The following LRRTM4 variants were observed in gnomAD, a reference collection of about 807,000 sequenced individuals.
LRRTM4 encodes the protein leucine-rich repeat transmembrane neuronal protein 4.
Under a neutral mutation model 47.6 loss-of-function variants are expected in LRRTM4, and 25 were observed. The ratio of observed to expected loss-of-function variants is 0.53; its 90% CI spans 0.38 to 0.73. The LOEUF (loss-of-function observed/expected upper bound fraction) is 0.73. LRRTM4 is among the 30% of genes least tolerant of loss of function. LRRTM4 has a pLI of 0.00. For missense variants in LRRTM4, 638 were observed against 713.4 expected, an observed-to-expected ratio of 0.89 and a Z score of 1.20; for synonymous variants, 311 against 269.5, an observed-to-expected ratio of 1.15 and a Z score of -1.51.
At chr2:77,423,396 A>T (rs970076802) in intron 3 of LRRTM4, among the ~76,000 whole-genome samples, 22 of 152,296 alleles carry the variant, frequency 1.4e-4, no homozygotes, top group African/African-American at 5.1e-4. Flanking sequence ...ATGAAGACAA[A>T]TCACTCTCTG....
At chr2:77,333,732 G>A (rs937431060) in intron 3 of LRRTM4, among the ~76,000 whole-genome samples, 1 of 152,194 alleles carries the variant, frequency 6.6e-6, no homozygotes, top group Non-Finnish European at 1.5e-5. Flanking sequence ...ATGTGGGATT[G>A]GAGCCCCCAC....
chr2:77,090,228 C>T (rs1412924773), intron 3 of LRRTM4, among the ~76,000 whole-genome samples: 2 of 152,156 alleles, frequency 1.3e-5, no homozygotes, highest in East Asian at 3.9e-4. Context: ...GTGGCTGGTG[C>T]TAAAGGCATA....
chr2:77,051,909 A>T (rs562006528), intron 3 of LRRTM4, among the ~76,000 whole-genome samples: 1 of 152,274 alleles, frequency 6.6e-6, no homozygotes, highest in South Asian at 2.1e-4. Context: ...CTACTATGCT[A>T]CTATCTTCAG....
In LRRTM4 at chr2:77,032,318, TCAAA is replaced by T. The variant is rs1678688862; in HGVS notation, c.1552-283406_1552-283403del. 3.3e-5 allele frequency among the ~76,000 whole-genome samples: 5 copies of T among 152,278 alleles called. No individual in the cohort carries two copies. In the South Asian group the frequency reaches 8.3e-4, roughly 25 times the overall value. On this transcript the variant is annotated intron_variant, in intron 3 of 3. Coordinates refer to ENST00000409884, the MANE Select transcript of LRRTM4 (RefSeq NM_001134745.3). ...TATCAGAGAGGTTAGTCTAATCATCTCAAACAAAATAACAACTCCAAGCTTATTC... is the reference window on the plus strand; with the variant it reads ...TATCAGAGAGGTTAGTCTAATCATCTCAAAATAACAACTCCAAGCTTATTC...
intron 3 of LRRTM4, among the ~76,000 whole-genome samples, chr2:76,767,429 T>A (rs1032418212): frequency 6.6e-6 from 1 of 152,184 alleles, no homozygotes; most frequent in African/African-American, 2.4e-5. Context: ...AGGATTCCCA[T>A]TTAAAAAATG....
chr2:77,168,388 CTT>C (rs1471221398), intron 3 of LRRTM4, among the ~76,000 whole-genome samples: 1 of 151,964 alleles, frequency 6.6e-6, no homozygotes, highest in Non-Finnish European at 1.5e-5. Context: ...CTTATTATCT[CTT>C]TTACATTTCT....
chr2:77,265,780 AAGTT>A (rs1573167651), intron 3 of LRRTM4, among the ~76,000 whole-genome samples: 1 of 152,190 alleles, frequency 6.6e-6, no homozygotes, highest in African/African-American at 2.4e-5. Context: ...CTATATTAAA[AAGTT>A]AGAATTACAC....
chr2:76,751,220 T>C (rs941559636), intron 3 of LRRTM4, among the ~76,000 whole-genome samples: 7 of 152,308 alleles, frequency 4.6e-5, no homozygotes, highest in African/African-American at 1.7e-4. Context: ...TATTCACTTC[T>C]ATTAACTTGT....
intron 3 of LRRTM4, among the ~76,000 whole-genome samples, chr2:77,136,382 T>G (rs1671942750): frequency 6.6e-6 from 1 of 152,142 alleles, no homozygotes; most frequent in Non-Finnish European, 1.5e-5. Context: ...GGAGTGGACC[T>G]CCAGCAAACT....
intron 3 of LRRTM4, among the ~76,000 whole-genome samples, chr2:77,086,254 A>T (rs1436109346): frequency 6.6e-6 from 1 of 152,206 alleles, no homozygotes; most frequent in African/African-American, 2.4e-5. Context: ...AAGAGAAGTG[A>T]GTCAAGGAGG....
intron 3 of LRRTM4, among the ~76,000 whole-genome samples, chr2:76,855,648 A>G (rs1672127373): frequency 6.6e-6 from 1 of 152,196 alleles, no homozygotes; most frequent in Admixed American, 6.5e-5. Flanking sequence ...ACAACATGCT[A>G]AAAATGTAAA....
intron 3 of LRRTM4, among the ~76,000 whole-genome samples, chr2:77,105,521 AG>A (rs1671072007): frequency 2.5e-5 from 1 of 40,798 alleles, no homozygotes; most frequent in African/African-American, 1.0e-4. Flanking sequence ...GGGTGGGGGG[AG>A]GGGGGAGGGA....
At chr2:76,755,976 C>G (rs772744141) in intron 3 of LRRTM4, among the ~76,000 whole-genome samples, 6 of 152,046 alleles carry the variant, frequency 3.9e-5, no homozygotes, top group Admixed American at 2.0e-4. Flanking sequence ...AATTGACCAG[C>G]ATTAATGTTA....
intron 3 of LRRTM4, among the ~76,000 whole-genome samples, chr2:76,933,928 A>T (rs1453255913): frequency 6.6e-6 from 1 of 152,088 alleles, no homozygotes; most frequent in Non-Finnish European, 1.5e-5. Context: ...TTCAATATTA[A>T]GAGTAGAGAT....
chr2:77,205,063 T>C (rs1674081188), intron 3 of LRRTM4, among the ~76,000 whole-genome samples: 1 of 152,212 alleles, frequency 6.6e-6, no homozygotes, highest in Admixed American at 6.5e-5. Context: ...TAAGTGTGAT[T>C]ACTTATCCGT....
rs74404648 is a variant in LRRTM4 at position 77,371,641 on chromosome 2, C to T, written c.1551+146677G>A. 1.3e-3 allele frequency among the ~76,000 whole-genome samples: 193 copies of T among 151,582 alleles called. 3 individuals are homozygous for T. In the East Asian group the frequency reaches 0.028, roughly 22 times the overall value. On this transcript the variant is annotated intron_variant, in intron 3 of 3. Transcript: ENST00000409884. ...TCTTGCTCTAAGCCATGCTTTACTC[C>T]GGTTTTTGGGGGGTCCTCCTTTCTG...
chr2:76,862,872 T>C (rs554496326), intron 3 of LRRTM4, among the ~76,000 whole-genome samples: 2 of 152,210 alleles, frequency 1.3e-5, no homozygotes, highest in Non-Finnish European at 2.9e-5. Flanking sequence ...ACAAGATGTA[T>C]TCTTATTTTT....
chr2:76,978,279 T>G (rs919340706), intron 3 of LRRTM4, among the ~76,000 whole-genome samples: 3 of 152,030 alleles, frequency 2.0e-5, no homozygotes, highest in African/African-American at 7.2e-5. Flanking sequence ...GCTAAGGCAT[T>G]TCCCCCAGAT....
intron 3 of LRRTM4, among the ~76,000 whole-genome samples, chr2:77,056,143 AACAAACCTGCACATTGTGC>A (rs1365321578): frequency 6.6e-6 from 1 of 151,696 alleles, no homozygotes; most frequent in Non-Finnish European, 1.5e-5. Flanking sequence ...ATACATATGT[AACAAACCTGCACATTGTGC>A]ACATGTACCC....
Sources: gnomAD v4.1 joint callset for allele counts (sites outside exome capture counted in the v4.1 genomes callset) on GRCh38, gnomAD v4.1.1 for gene constraint, MANE v1.5 for transcripts, NCBI Gene and HGNC (gene_info 2026-07-23, HGNC 2026-07-21) for gene names.